BTRC: variants seen among roughly 807,000 people sequenced by gnomAD.
The protein encoded by BTRC is beta-transducin repeat containing E3 ubiquitin protein ligase.
In BTRC, 42 loss-of-function variants were observed where a neutral mutation model predicts 85.5. The ratio of observed to expected loss-of-function variants is 0.49; its 90% CI spans 0.38 to 0.64. The LOEUF (loss-of-function observed/expected upper bound fraction) is 0.64, where lower values mean the gene tolerates loss of function less well. Ranked by LOEUF, BTRC falls within the 30% of genes least tolerant of loss-of-function variation. BTRC has a pLI of 0.00. For synonymous variants in BTRC, 255 were observed against 263.3 expected (o/e 0.97, Z 0.30); for missense variants, 594 against 743.5 (o/e 0.80, Z 2.34).
chr10:101,490,688 C>T (rs150893457), intron 4 of BTRC, among the ~76,000 whole-genome samples: 7 of 152,284 alleles, frequency 4.6e-5, no homozygotes, highest in African/African-American at 1.4e-4. Context: ...CATCTTCCTC[C>T]TCTTCCTACC....
At chr10:101,454,866 A>C (rs1335899996) in intron 2 of BTRC, among the ~76,000 whole-genome samples, 1 of 152,196 alleles carries the variant, frequency 6.6e-6, no homozygotes, top group African/African-American at 2.4e-5. Context: ...TAACTGGGGC[A>C]GAAAAGATGT....
At chr10:101,375,596 A>T (rs1042784608) in intron 1 of BTRC, among the ~76,000 whole-genome samples, 2 of 152,342 alleles carry the variant, frequency 1.3e-5, no homozygotes, top group Admixed American at 6.5e-5. Flanking sequence ...GCATCAGTGA[A>T]TACTAGAAAC....
chr10:101,496,752 T>C (rs1418665138), intron 4 of BTRC, among the ~76,000 whole-genome samples: 1 of 152,216 alleles, frequency 6.6e-6, no homozygotes, highest in Admixed American at 6.5e-5. Context: ...GTGAAGTTCT[T>C]GTTCAACGCA....
In BTRC at chr10:101,516,523, T is replaced by C. The variant is rs371867459; in HGVS notation, c.325-5116T>C. Among the ~76,000 whole-genome samples, 9 of 152,200 alleles carry C rather than the reference T, an allele frequency of 5.9e-5. No individual in the cohort carries two copies. In the East Asian group the frequency reaches 1.7e-3, roughly 29 times the overall value. ...TGCCTCATCAAAAAAATACTCGTTT[T>C]GAGGGGTGGTGACTAAAATGTATAC... On this transcript the variant is annotated intron_variant, in intron 4 of 14. Coordinates refer to ENST00000370187, the MANE Select transcript of BTRC (RefSeq NM_033637.4).
intron 1 of BTRC, among the ~76,000 whole-genome samples, chr10:101,404,025 TA>T (rs1293948547): frequency 0.061 from 2,534 of 41,620 alleles, 96 homozygotes; most frequent in Non-Finnish European, 0.072. Flanking sequence ...TATATATATA[TA>T]TATATTTTTT....
At chr10:101,380,734 A>G (rs1213574698) in intron 1 of BTRC, among the ~76,000 whole-genome samples, 1 of 152,204 alleles carries the variant, frequency 6.6e-6, no homozygotes, top group African/African-American at 2.4e-5. Flanking sequence ...CAAGAATTGG[A>G]GTCAGAAGAA....
At chr10:101,366,180 A>G (rs780717772) in intron 1 of BTRC, among the ~76,000 whole-genome samples, 6 of 152,164 alleles carry the variant, frequency 3.9e-5, no homozygotes, top group Admixed American at 6.6e-5. Flanking sequence ...TCTGTTAAGT[A>G]GTACTTGGCA....
At chr10:101,536,401 A>G (rs1038873252) in intron 11 of BTRC, 142 bp from the exon 12 acceptor site, 3 of 533,470 alleles carry the variant, frequency 5.6e-6, no homozygotes, top group African/African-American at 3.8e-5. Flanking sequence ...AATAAATTAC[A>G]TTGAAAGCAG....
At chr10:101,516,064 C>G (rs972123795) in intron 4 of BTRC, among the ~76,000 whole-genome samples, 2 of 151,838 alleles carry the variant, frequency 1.3e-5, no homozygotes, top group African/African-American at 4.8e-5. Context: ...TTAAGCATTT[C>G]TATTTATGTT....
intron 1 of BTRC, among the ~76,000 whole-genome samples, chr10:101,359,580 A>G (rs912712244): frequency 6.7e-6 from 1 of 148,194 alleles, no homozygotes; most frequent in African/African-American, 2.5e-5. Context: ...GGCGTGTACC[A>G]CCTTGCCTGG....
intron 2 of BTRC, among the ~76,000 whole-genome samples, chr10:101,439,376 G>C (rs765938669): frequency 1.3e-5 from 2 of 152,166 alleles, no homozygotes; most frequent in African/African-American, 4.8e-5. Flanking sequence ...ACGTTGATCC[G>C]ATGGTGTCCT....
chr10:101,387,463 G>A (rs1156286705), intron 1 of BTRC, among the ~76,000 whole-genome samples: 2 of 141,770 alleles, frequency 1.4e-5, no homozygotes, highest in Admixed American at 1.5e-4. Flanking sequence ...CCTTTTTTAT[G>A]GTAGTTAAGG....
In BTRC at chr10:101,531,258, C is replaced by T; in HGVS notation, c.765C>T (p.Asn255=). 1 of 1,607,890 alleles carries T rather than the reference C, an allele frequency of 6.2e-7. No individual in the cohort carries two copies. Among genetic ancestry groups the T allele is most frequent in the South Asian group, 1.1e-5 (1 of 90,746 alleles). ...TTAGGGGACAGTATTTATTCAAAAA[C>T]AAACCTCCTGACGGGAATGCTCCTC... The part of the protein sequence containing the change: ...RRGWGQYLFK[N]KPPDGNAPPN... The change falls in exon 7 of 15, where the codon AAC becomes AAT. Residue 255 remains asparagine, a synonymous_variant. Coordinates refer to ENST00000370187, the MANE Select transcript of BTRC (RefSeq NM_033637.4).
intron 1 of BTRC, among the ~76,000 whole-genome samples, chr10:101,409,617 G>C (rs1009198020): frequency 2.0e-5 from 3 of 152,136 alleles, no homozygotes; most frequent in Admixed American, 2.0e-4. Context: ...GCATGTTACT[G>C]TACTGAATAT....
At chr10:101,538,215 A>T in intron 12 of BTRC, 78 bp from the exon 13 acceptor site, 3 of 1,197,766 alleles carry the variant, frequency 2.5e-6, no homozygotes, top group Non-Finnish European at 3.7e-6. Context: ...ATTTATTGCC[A>T]TGAATTTCTG....
At chr10:101,390,377 C>T (rs1265117513) in intron 1 of BTRC, among the ~76,000 whole-genome samples, 1 of 141,038 alleles carries the variant, frequency 7.1e-6, no homozygotes, top group African/African-American at 2.7e-5. Flanking sequence ...TCGCTTTGTT[C>T]CCCAGGCTGG....
At chr10:101,424,640 T>A (rs1944201165) in intron 1 of BTRC, among the ~76,000 whole-genome samples, 1 of 152,196 alleles carries the variant, frequency 6.6e-6, no homozygotes, top group African/African-American at 2.4e-5. Context: ...CCTGCAGGGC[T>A]ATCAGTGAAG....
At chr10:101,453,538 T>C (rs1175842821) in intron 2 of BTRC, 2 of 152,234 alleles carry the variant, frequency 1.3e-5, no homozygotes, top group East Asian at 3.8e-4. Context: ...TTGAGCAAGA[T>C]GCTTACTCAA....
At chr10:101,523,880 A>G (rs550129823) in intron 5 of BTRC, among the ~76,000 whole-genome samples, 7 of 152,250 alleles carry the variant, frequency 4.6e-5, no homozygotes, top group Non-Finnish European at 1.0e-4. Flanking sequence ...ATTTTTTCAT[A>G]TTATAAACCA....
Sources: gnomAD v4.1 joint callset for allele counts (sites outside exome capture counted in the v4.1 genomes callset) on GRCh38, gnomAD v4.1.1 for gene constraint, MANE v1.5 for transcripts, NCBI Gene and HGNC (gene_info 2026-07-23, HGNC 2026-07-21) for gene names.